The following ZDHHC17 variants were observed in gnomAD, a reference collection of about 807,000 sequenced individuals.
ZDHHC17 encodes the protein zDHHC palmitoyltransferase 17.
In ZDHHC17, 40 loss-of-function variants were observed where a neutral mutation model predicts 90.3. The ratio of observed to expected loss-of-function variants is 0.44; its 90% confidence interval spans 0.34 to 0.58. The LOEUF (loss-of-function observed/expected upper bound fraction) is 0.58. ZDHHC17 is among the 20% of genes least tolerant of loss of function. ZDHHC17 has a pLI of 0.01. For missense variants in ZDHHC17, 614 were observed against 780.8 expected (o/e 0.79, Z 2.55); for synonymous variants, 235 against 252.4 (o/e 0.93, Z 0.65).
chr12:76,845,496 T>C (rs1015121507), intron 12 of ZDHHC17: 4 of 269,022 alleles, frequency 1.5e-5, no homozygotes, highest in Non-Finnish European at 2.7e-5. Context: ...GCATATTTTC[T>C]AGAGTAGCCT....
intron 1 of ZDHHC17, 89 bp from the exon 2 acceptor site, chr12:76,797,341 TCAAA>T: frequency 2.6e-6 from 2 of 762,532 alleles, no homozygotes; most frequent in African/African-American, 3.6e-5. Flanking sequence ...TTAGCATTTC[TCAAA>T]CAACACAAAA....
chr12:76,767,261 A>C (rs1952441921), intron 1 of ZDHHC17, among the ~76,000 whole-genome samples: 1 of 152,184 alleles, frequency 6.6e-6, no homozygotes, highest in African/African-American at 2.4e-5. Context: ...TGCAGGAACA[A>C]ATTTCATTTC....
At position 76,822,399 on chromosome 12, in the gene ZDHHC17, T is replaced by C. The variant is rs1953174404; in HGVS notation, c.772-7T>C. The stretch of plus-strand genomic sequence containing the variant: ...TTAATAGGAATTTCTTCTGTTTATA[T>C]TATCAGGGCGAATCAGCGCTTGATT... On this transcript the variant is annotated splice_polypyrimidine_tract_variant and splice_region_variant and intron_variant, in intron 7 of 16. Coordinates refer to ENST00000426126, the MANE Select transcript of ZDHHC17 (RefSeq NM_015336.4). 1.9e-6 allele frequency: 3 copies of C among 1,612,226 alleles called. No homozygotes were observed. The highest frequency in any genetic ancestry group is 1.7e-6 in the Non-Finnish European group (2 of 1,178,610).
chr12:76,846,254 G>A (rs1372742363), intron 13 of ZDHHC17: 2 of 266,168 alleles, frequency 7.5e-6, no homozygotes, highest in African/African-American at 4.5e-5. Context: ...GTTTACCTCT[G>A]TTGAAGAGAA....
chr12:76,790,137 T>C (rs905659965), intron 1 of ZDHHC17, among the ~76,000 whole-genome samples: 1 of 151,764 alleles, frequency 6.6e-6, no homozygotes. Flanking sequence ...TCTAGACCTC[T>C]TATAAAAAAT....
intron 3 of ZDHHC17, among the ~76,000 whole-genome samples, chr12:76,807,088 A>C (rs1952964153): frequency 6.6e-6 from 1 of 152,218 alleles, no homozygotes; most frequent in Non-Finnish European, 1.5e-5. Flanking sequence ...TCATATAATG[A>C]AGTTTAGGGA....
chr12:76,820,879 T>C (rs2137776938), intron 7 of ZDHHC17, among the ~76,000 whole-genome samples: 1 of 152,328 alleles, frequency 6.6e-6, no homozygotes, highest in South Asian at 2.1e-4. Context: ...TTATTTTGGC[T>C]GAGACATGGA....
intron 16 of ZDHHC17, chr12:76,849,698 G>T: frequency 3.1e-6 from 1 of 317,678 alleles, no homozygotes; most frequent in Non-Finnish European, 5.6e-6. Context: ...TTTTAAATTT[G>T]TATTCAGTCT....
intron 7 of ZDHHC17, chr12:76,821,282 A>G: frequency 3.1e-6 from 1 of 326,946 alleles, no homozygotes; most frequent in South Asian, 4.2e-5. Flanking sequence ...AGACTCCTAG[A>G]TTAGCCCATT....
At chr12:76,815,046 A>G (rs1953067721) in intron 5 of ZDHHC17, 100 bp from the exon 6 acceptor site, 1 of 662,630 alleles carries the variant, frequency 1.5e-6, no homozygotes, top group Non-Finnish European at 2.5e-6. Flanking sequence ...GTAGTATTAT[A>G]TTCGCTTCTC....
At chr12:76,805,486 GT>G in intron 3 of ZDHHC17, 47 bp downstream of exon 3, 1 of 1,348,124 alleles carries the variant, frequency 7.4e-7, no homozygotes, top group Non-Finnish European at 1.0e-6. Flanking sequence ...ACTTTTTATG[GT>G]TATAAAATTA....
At chr12:76,848,534 A>C in intron 15 of ZDHHC17, 144 bp downstream of exon 15, 1 of 959,892 alleles carries the variant, frequency 1.0e-6, no homozygotes, top group Admixed American at 3.1e-5. Context: ...TTTCTACCTC[A>C]CTCTTTTGCC....
intron 1 of ZDHHC17, chr12:76,781,546 T>C (rs1952626679): frequency 2.2e-6 from 1 of 449,008 alleles, no homozygotes; most frequent in Non-Finnish European, 4.5e-6. Context: ...GAGTGGGTGG[T>C]TCTAAAAGTA....
chr12:76,825,239 G>A (rs1349320029), intron 8 of ZDHHC17, among the ~76,000 whole-genome samples: 2 of 152,132 alleles, frequency 1.3e-5, no homozygotes, highest in Non-Finnish European at 2.9e-5. Context: ...AGGATATTTA[G>A]GATCTGTCTG....
intron 3 of ZDHHC17, among the ~76,000 whole-genome samples, chr12:76,806,983 G>T (rs1207438062): frequency 6.6e-6 from 1 of 152,168 alleles, no homozygotes. Flanking sequence ...CTCAAACTTT[G>T]AGGGTAAAGG....
At chr12:76,826,449 G>T (rs1281518783) in intron 8 of ZDHHC17, among the ~76,000 whole-genome samples, 14 of 152,138 alleles carry the variant, frequency 9.2e-5, no homozygotes. Context: ...CTCATTTTAA[G>T]ATTTTAATAT....
At chr12:76,843,005 C>T (rs1448235866) in intron 12 of ZDHHC17, 24 bp downstream of exon 12, 10 of 1,593,638 alleles carry the variant, frequency 6.3e-6, no homozygotes, top group Middle Eastern at 1.7e-4. Flanking sequence ...CTTTGTTCTT[C>T]CCTCCCTTCT....
intron 1 of ZDHHC17, among the ~76,000 whole-genome samples, chr12:76,780,301 C>T (rs543477031): frequency 6.6e-6 from 1 of 152,032 alleles, no homozygotes; most frequent in African/African-American, 2.4e-5. Flanking sequence ...TCTTTGACTT[C>T]TTTTATTGGT....
chr12:76,773,801 AG>A (rs901521298), intron 1 of ZDHHC17, among the ~76,000 whole-genome samples: 2 of 152,196 alleles, frequency 1.3e-5, no homozygotes, highest in Non-Finnish European at 2.9e-5. Flanking sequence ...TAAAGGAACT[AG>A]GGGAGGATTC....
Sources: allele counts gnomAD v4.1 joint callset (sites outside exome capture counted in the v4.1 genomes callset), GRCh38; gene constraint gnomAD v4.1.1; transcripts MANE v1.5; gene names NCBI Gene and HGNC (gene_info 2026-07-23, HGNC 2026-07-21).